The following TSFM variants were observed in gnomAD, a reference collection of about 807,000 sequenced individuals.
TSFM encodes Ts translation elongation factor, mitochondrial.
TSFM carries 29 observed loss-of-function variants against 33.4 expected under a neutral mutation model. That is an observed-to-expected ratio of 0.87 (90% CI 0.65 to 1.18). The LOEUF is 1.18. Ranked by LOEUF, TSFM falls within the 50% of genes most tolerant of loss-of-function variation. The pLI is 0.00. For synonymous variants in TSFM, 178 were observed against 163.5 expected (o/e 1.09, Z -0.68); for missense variants, 394 against 395.6 (o/e 1.00, Z 0.04).
downstream of TSFM, chr12:57,802,306 C>T (rs766576247): frequency 6.2e-7 from 1 of 1,613,908 alleles, no homozygotes; most frequent in East Asian, 2.2e-5. Context: ...AGGGCACTCT[C>T]CTTCTCCGTG....
chr12:57,783,087 C>T, intron 1 of TSFM, 23 bp from the exon 2 acceptor site: 1 of 1,596,300 alleles, frequency 6.3e-7, no homozygotes, highest in Non-Finnish European at 8.5e-7. Flanking sequence ...TCCTGCTCCT[C>T]ATCCCTTTCT....
intron 4 of TSFM, among the ~76,000 whole-genome samples, chr12:57,792,306 T>G (rs1285282434): frequency 6.6e-6 from 1 of 152,182 alleles, no homozygotes; most frequent in Non-Finnish European, 1.5e-5. Flanking sequence ...CCCAACACTT[T>G]GGGAGACTGA....
At chr12:57,798,175 A>C (rs1955773981), downstream of TSFM, among the ~76,000 whole-genome samples, 1 of 152,236 alleles carries the variant, frequency 6.6e-6, no homozygotes, top group Non-Finnish European at 1.5e-5. Flanking sequence ...TCTTCAGGTC[A>C]GGGAGTCCCA....
Position 57,796,483 on chromosome 12 carries a change from C to T in TSFM, c.878C>T (p.Ser293Phe), listed in dbSNP as rs764426449. The T allele has an allele frequency of 1.0e-5, 16 of 1,581,122 alleles. No individual in the cohort carries two copies. In the Admixed American group the frequency reaches 2.6e-4, roughly 26 times the overall value. ...TCCCAGCCGTATTTGCTGGATCCCT[C>T]CATTACCTTGGGGCAGTATGTGCAG... ...MLSQPYLLDP[S>F]ITLGQYVQPQ... The change falls in exon 6 of 6, where the codon TCC (serine) becomes TTC (phenylalanine). Residue 293 changes from serine (S) to phenylalanine (F), a missense_variant. By Grantham distance (155) the Ser-to-Phe change is radical. Transcript: ENST00000652027.
intron 4 of TSFM, among the ~76,000 whole-genome samples, chr12:57,788,641 T>C (rs1422246771): frequency 6.6e-6 from 1 of 152,094 alleles, no homozygotes; most frequent in Non-Finnish European, 1.5e-5. Context: ...TTATCACTTC[T>C]TTTTTTCTTT....
intron 4 of TSFM, among the ~76,000 whole-genome samples, chr12:57,790,694 A>T (rs1955650925): frequency 6.6e-6 from 1 of 150,504 alleles, no homozygotes; most frequent in African/African-American, 2.4e-5. Flanking sequence ...AGCTTATGTT[A>T]CTCATTTGAA....
At chr12:57,787,282 A>G (rs1407042468) in intron 4 of TSFM, 120 bp downstream of exon 4, 4 of 1,042,298 alleles carry the variant, frequency 3.8e-6, no homozygotes, top group South Asian at 2.0e-5. Flanking sequence ...CTTAAATGCT[A>G]TCTCTTTGCA....
chr12:57,801,032 TATGGTAATACTAAGGAC>T, downstream of TSFM: 1 of 810,608 alleles, frequency 1.2e-6, no homozygotes, highest in South Asian at 1.7e-5. Flanking sequence ...AACAGACAAC[TATGGTAATACTAAGGAC>T]ATGAGTTTTG....
intron 2 of TSFM, among the ~76,000 whole-genome samples, chr12:57,785,566 G>C (rs1955580126): frequency 6.6e-6 from 1 of 152,044 alleles, no homozygotes; most frequent in Admixed American, 6.6e-5. Context: ...CCGCCTCCCG[G>C]GTTCAAGAAA....
At chr12:57,783,343 G>A in intron 2 of TSFM, 60 bp downstream of exon 2, 1 of 1,598,528 alleles carries the variant, frequency 6.3e-7, no homozygotes, top group Non-Finnish European at 8.6e-7. Context: ...CTCTTGGGGC[G>A]GTCACGCTGG....
At chr12:57,792,415 G>T (rs902338865) in intron 4 of TSFM, among the ~76,000 whole-genome samples, 2 of 152,168 alleles carry the variant, frequency 1.3e-5, no homozygotes, top group African/African-American at 4.8e-5. Context: ...AATTGTTCTT[G>T]ATTTCTAGGA....
downstream of TSFM, chr12:57,802,196 T>C (rs201008929): frequency 1.5e-5 from 25 of 1,614,012 alleles, no homozygotes; most frequent in East Asian, 5.6e-4. Context: ...GGAACCAGCC[T>C]GTGAAGATGG....
downstream of TSFM, chr12:57,799,863 G>A (rs1955811403): frequency 6.2e-7 from 1 of 1,613,942 alleles, no homozygotes; most frequent in South Asian, 1.1e-5. Context: ...ACTGCTATAG[G>A]GTAATATTTT....
At chr12:57,801,765 T>G (rs964410029), downstream of TSFM, among the ~76,000 whole-genome samples, 22 of 152,010 alleles carry the variant, frequency 1.4e-4, no homozygotes, top group Non-Finnish European at 2.1e-4. Flanking sequence ...AAAAGTTGAT[T>G]AGGAGTCAGG....
At chr12:57,790,754 T>C (rs1955651660) in intron 4 of TSFM, among the ~76,000 whole-genome samples, 1 of 152,026 alleles carries the variant, frequency 6.6e-6, no homozygotes, top group African/African-American at 2.4e-5. Flanking sequence ...ACCCCAAGTA[T>C]GTGTTGATTT....
chr12:57,797,845 T>C (rs780106410), downstream of TSFM: 9 of 1,485,082 alleles, frequency 6.1e-6, no homozygotes, highest in Non-Finnish European at 6.4e-6. Context: ...TATCTGCTCT[T>C]TTCTGTGGCC....
At position 57,796,659 on chromosome 12, in the gene TSFM, A is replaced by C; in HGVS notation, c.*76A>C. 7.8e-7 allele frequency: 1 copy of C among 1,275,178 alleles called. No individual in the cohort carries two copies. Among genetic ancestry groups the C allele is most frequent in the Non-Finnish European group, 1.0e-6 (1 of 1,002,786 alleles). The allele number at this position is 1,275,178 out of a possible 1,614,324, so 79.0% of individuals were successfully genotyped here. ...TCATTACAAAAAGGAATATTTCCCAAACCTCTTCAGACCGAGAATGCATGG... is the reference window on the plus strand; with the variant it reads ...TCATTACAAAAAGGAATATTTCCCACACCTCTTCAGACCGAGAATGCATGG... On this transcript the variant is annotated 3_prime_UTR_variant, in exon 6 of 6. Transcript: ENST00000652027.
chr12:57,798,079 A>G (rs2140431809), downstream of TSFM: 6 of 907,952 alleles, frequency 6.6e-6, no homozygotes, highest in Admixed American at 8.3e-5. Flanking sequence ...AGCAAGAGGG[A>G]GTTCTAGGTG....
chr12:57,799,203 C>T (rs1955796781), downstream of TSFM, among the ~76,000 whole-genome samples: 1 of 152,122 alleles, frequency 6.6e-6, no homozygotes, highest in Non-Finnish European at 1.5e-5. Context: ...GGTGCTGGTG[C>T]TGTGATGATT....
Sources: gnomAD v4.1 joint callset for allele counts (sites outside exome capture counted in the v4.1 genomes callset) on GRCh38, gnomAD v4.1.1 for gene constraint, MANE v1.5 for transcripts, NCBI Gene and HGNC (gene_info 2026-07-23, HGNC 2026-07-21) for gene names.